NT5DC3: variants seen among roughly 807,000 people sequenced by gnomAD.
NT5DC3 encodes 5'-nucleotidase domain containing 3, also known as 5'-nucleotidase domain-containing protein 3.
In NT5DC3, 42 loss-of-function variants were observed where a neutral mutation model predicts 67.8. The observed-to-expected ratio is 0.62, with a 90% CI of 0.48 to 0.80. The LOEUF is 0.80. NT5DC3 is among the 30% of genes least tolerant of loss of function. The pLI, the probability that NT5DC3 is intolerant of heterozygous loss-of-function variation, is 0.00. For missense variants in NT5DC3, 570 were observed against 696.4 expected (o/e 0.82, Z 2.04); for synonymous variants, 237 against 255.6 (o/e 0.93, Z 0.69).
chr12:103,747,099 G>A, the NT5DC3 span, among the ~76,000 whole-genome samples: 1 of 151,792 alleles, frequency 6.6e-6, no homozygotes, highest in African/African-American at 2.4e-5. Flanking sequence ...TGGGATTACA[G>A]GCATGCGCCA....
At chr12:103,795,564 C>T (rs191084450) in intron 6 of NT5DC3, among the ~76,000 whole-genome samples, 4 of 152,158 alleles carry the variant, frequency 2.6e-5, no homozygotes, top group Admixed American at 6.5e-5. Flanking sequence ...ATAATTTATC[C>T]TCTATCTTCC....
the NT5DC3 span, chr12:103,759,016 A>G: frequency 1.3e-6 from 2 of 1,542,600 alleles, no homozygotes; most frequent in Non-Finnish European, 1.8e-6. Context: ...TGATCTCCAC[A>G]TGGAGGCAGG....
chr12:103,793,065 G>T, intron 9 of NT5DC3, 99 bp downstream of exon 9: 2 of 830,510 alleles, frequency 2.4e-6, no homozygotes, highest in Non-Finnish European at 4.0e-6. Context: ...AATCTCACAT[G>T]CTTATGATTT....
chr12:103,814,579 A>T (rs2139419609), intron 2 of NT5DC3, among the ~76,000 whole-genome samples: 2 of 152,356 alleles, frequency 1.3e-5, no homozygotes, highest in Middle Eastern at 3.4e-3. Flanking sequence ...AAGGTAAAAC[A>T]TCTCCTATCA....
the NT5DC3 span, among the ~76,000 whole-genome samples, chr12:103,760,413 A>C: frequency 2.6e-5 from 4 of 152,110 alleles, no homozygotes; most frequent in Admixed American, 2.0e-4. Context: ...GGTGCCCGCC[A>C]CCACACTCAG....
At chr12:103,783,760 C>T (rs994778119) in intron 12 of NT5DC3, among the ~76,000 whole-genome samples, 3 of 148,690 alleles carry the variant, frequency 2.0e-5, no homozygotes, top group Non-Finnish European at 4.4e-5. Flanking sequence ...CAACTTTTTA[C>T]ACAGGTCAGA....
chr12:103,773,689 A>G lies in NT5DC3; in HGVS notation c.*4140T>C, dbSNP rs1885248576. 6.6e-6 allele frequency: 1 copy of G among 152,264 alleles called. No homozygotes were observed. Among genetic ancestry groups the G allele is most frequent in the African/African-American group, 2.4e-5 (1 of 41,468 alleles). 9.4% of individuals were successfully genotyped at this position (152,264 alleles called of 1,614,324 possible). ...AGAGCATTCTAGACAAGGAGCCCCA[A>G]GTGGTCTTTGGCAGCAAATGAGCAG... On this transcript the variant is annotated 3_prime_UTR_variant, in exon 14 of 14. Coordinates refer to ENST00000392876, the MANE Select transcript of NT5DC3 (RefSeq NM_001031701.3).
At chr12:103,766,568 A>T (rs995585930), downstream of NT5DC3, 3 of 516,504 alleles carry the variant, frequency 5.8e-6, no homozygotes, top group Non-Finnish European at 1.0e-5. Context: ...TGTACTCTTC[A>T]GCTGGCACCT....
chr12:103,780,427 G>GCTT, intron 12 of NT5DC3, 63 bp from the exon 13 acceptor site: 1 of 1,492,574 alleles, frequency 6.7e-7, no homozygotes, highest in Non-Finnish European at 9.3e-7. Context: ...TACGTAATGA[G>GCTT]AATTTTTTAA....
At chr12:103,806,475 G>T (rs1886805264) in intron 3 of NT5DC3, 98 bp from the exon 4 acceptor site, 2 of 851,628 alleles carry the variant, frequency 2.3e-6, no homozygotes, top group Non-Finnish European at 3.9e-6. Flanking sequence ...TCAACATTAG[G>T]CTGCCCTAAC....
At chr12:103,748,426 T>G in the NT5DC3 span, among the ~76,000 whole-genome samples, 1 of 152,160 alleles carries the variant, frequency 6.6e-6, no homozygotes, top group Admixed American at 6.5e-5. Context: ...CATGGATTTT[T>G]GGAGGCAAAC....
chr12:103,829,245 T>A (rs558170334), intron 1 of NT5DC3, among the ~76,000 whole-genome samples: 4 of 152,262 alleles, frequency 2.6e-5, no homozygotes, highest in African/African-American at 9.6e-5. Context: ...CTGCATATAG[T>A]CTCTGTTGCA....
intron 6 of NT5DC3, among the ~76,000 whole-genome samples, chr12:103,796,544 C>T (rs1192856611): frequency 6.6e-6 from 1 of 152,120 alleles, no homozygotes; most frequent in Non-Finnish European, 1.5e-5. Context: ...AGAAGAGGCA[C>T]CCTTGCTCGG....
At chr12:103,753,848 A>G in the NT5DC3 span, among the ~76,000 whole-genome samples, 1 of 152,134 alleles carries the variant, frequency 6.6e-6, no homozygotes, top group Non-Finnish European at 1.5e-5. Flanking sequence ...AACCCACAAA[A>G]CAGTGGAGTT....
Position 103,835,958 on chromosome 12 carries a change from C to T in NT5DC3, c.208+4991G>A, listed in dbSNP as rs541518672. Among the ~76,000 whole-genome samples the T allele has an allele frequency of 1.3e-3, 192 of 152,268 alleles. 2 individuals carry two copies. Among genetic ancestry groups the T allele is most frequent in the African/African-American group, 4.5e-3 (186 of 41,558 alleles). ...GTGAAAGACACTTCTCACATGGCGGCAGCAACAGAAAAATGAAGCAGCAGC... is the reference window on the plus strand; with the variant it reads ...GTGAAAGACACTTCTCACATGGCGGTAGCAACAGAAAAATGAAGCAGCAGC... On this transcript the variant is annotated intron_variant, in intron 1 of 13. Coordinates refer to ENST00000392876, the MANE Select transcript of NT5DC3 (RefSeq NM_001031701.3).
At chr12:103,826,969 C>T (rs1398060356) in intron 1 of NT5DC3, among the ~76,000 whole-genome samples, 4 of 152,146 alleles carry the variant, frequency 2.6e-5, no homozygotes, top group Non-Finnish European at 4.4e-5. Flanking sequence ...TATGCCTGGG[C>T]GCGGTGGCTC....
At chr12:103,764,110 T>C in the NT5DC3 span, among the ~76,000 whole-genome samples, 5 of 152,084 alleles carry the variant, frequency 3.3e-5, no homozygotes, top group East Asian at 9.7e-4. Flanking sequence ...CATACCACCA[T>C]GCCCAGCTAA....
intron 1 of NT5DC3, among the ~76,000 whole-genome samples, chr12:103,817,465 A>G (rs926126109): frequency 3.3e-5 from 5 of 152,222 alleles, no homozygotes; most frequent in African/African-American, 1.2e-4. Context: ...AGATAGGTAC[A>G]TGTACATAAA....
At chr12:103,828,700 T>TTC (rs1214153435) in intron 1 of NT5DC3, among the ~76,000 whole-genome samples, 1 of 145,322 alleles carries the variant, frequency 6.9e-6, no homozygotes, top group Non-Finnish European at 1.5e-5. Context: ...TTCTTTCTTT[T>TTC]TATTTTTTTT....
Sources: allele counts gnomAD v4.1 joint callset (sites outside exome capture counted in the v4.1 genomes callset), GRCh38; gene constraint gnomAD v4.1.1; transcripts MANE v1.5; gene names NCBI Gene and HGNC (gene_info 2026-07-23, HGNC 2026-07-21).